Variants in NRG3 observed in about 807,000 individuals in gnomAD.
NRG3 encodes pro-neuregulin-3, membrane-bound isoform.
In NRG3, 31 loss-of-function variants were observed where a neutral mutation model predicts 66.9. The ratio of observed to expected loss-of-function variants is 0.46; its 90% CI spans 0.35 to 0.63. The LOEUF (loss-of-function observed/expected upper bound fraction) is 0.63, where lower values mean the gene tolerates loss of function less well. Ranked by LOEUF, NRG3 falls within the 20% of genes least tolerant of loss-of-function variation. The probability of loss-of-function intolerance (pLI) is 0.00; values close to 1 mark genes in which losing one functional copy is unlikely to be tolerated. For missense variants in NRG3, 910 were observed against 878.9 expected, an observed-to-expected ratio of 1.04 and a Z score of -0.45; for synonymous variants, 393 against 359.4, an observed-to-expected ratio of 1.09 and a Z score of -1.06.
intron 2 of NRG3, among the ~76,000 whole-genome samples, chr10:82,497,971 T>C (rs1385888977): frequency 6.6e-6 from 1 of 152,212 alleles, no homozygotes; most frequent in Non-Finnish European, 1.5e-5. Context: ...TTGATTTGCA[T>C]ATCTCTGCTG....
At chr10:82,803,469 G>A (rs1198327190) in intron 3 of NRG3, among the ~76,000 whole-genome samples, 2 of 152,068 alleles carry the variant, frequency 1.3e-5, no homozygotes, top group African/African-American at 4.8e-5. Flanking sequence ...TTGCTGAAGG[G>A]CACATTTAAA....
intron 2 of NRG3, among the ~76,000 whole-genome samples, chr10:82,402,260 T>C (rs963160923): frequency 6.6e-6 from 1 of 152,110 alleles, no homozygotes; most frequent in Non-Finnish European, 1.5e-5. Flanking sequence ...CTGGTAGTTA[T>C]GATTCCCCAA....
chr10:82,598,258 T>G (rs2133372974), intron 2 of NRG3, among the ~76,000 whole-genome samples: 1 of 152,322 alleles, frequency 6.6e-6, no homozygotes, highest in Non-Finnish European at 1.5e-5. Flanking sequence ...AATCTATACA[T>G]TTCTCCTCAG....
At chr10:82,455,822 G>T (rs912328607) in intron 2 of NRG3, among the ~76,000 whole-genome samples, 2 of 151,906 alleles carry the variant, frequency 1.3e-5, no homozygotes, top group South Asian at 2.1e-4. Flanking sequence ...GTTTCACCTC[G>T]TTAGCCAGGA....
chr10:82,894,001 G>A (rs1228459261), intron 4 of NRG3, among the ~76,000 whole-genome samples: 1 of 152,174 alleles, frequency 6.6e-6, no homozygotes, highest in East Asian at 1.9e-4. Flanking sequence ...CAAACATCAA[G>A]CTCAGTTGAT....
chr10:82,340,663 T>C (rs1381590040), intron 1 of NRG3: 3 of 152,118 alleles, frequency 2.0e-5, no homozygotes, highest in Non-Finnish European at 2.9e-5. Flanking sequence ...GAGAAAGTAA[T>C]AGAAATTCCC....
chr10:82,746,211 T>G (rs1458236368), intron 3 of NRG3, among the ~76,000 whole-genome samples: 1 of 152,106 alleles, frequency 6.6e-6, no homozygotes, highest in Non-Finnish European at 1.5e-5. Context: ...TTTTAACCAT[T>G]ATGTTGAAAG....
At chr10:82,009,742 A>G (rs1440726739) in intron 1 of NRG3, among the ~76,000 whole-genome samples, 1 of 152,206 alleles carries the variant, frequency 6.6e-6, no homozygotes, top group Non-Finnish European at 1.5e-5. Flanking sequence ...GACACTGGCC[A>G]AAAGCAGCTG....
intron 2 of NRG3, among the ~76,000 whole-genome samples, chr10:82,411,120 A>G (rs1590036566): frequency 6.6e-6 from 1 of 152,122 alleles, no homozygotes; most frequent in East Asian, 1.9e-4. Flanking sequence ...TTCAGCATGT[A>G]AGCCAGGCTG....
intron 1 of NRG3, among the ~76,000 whole-genome samples, chr10:81,932,026 C>T (rs1210899711): frequency 6.6e-6 from 1 of 152,084 alleles, no homozygotes; most frequent in Non-Finnish European, 1.5e-5. Flanking sequence ...ACTTAATTGG[C>T]TCATAGTTCT....
chr10:82,328,622 A>C (rs923948985), intron 1 of NRG3, among the ~76,000 whole-genome samples: 2 of 152,116 alleles, frequency 1.3e-5, no homozygotes, highest in African/African-American at 4.8e-5. Context: ...ATTTCTGTTA[A>C]CCTCACCATA....
At chr10:82,167,781 T>C (rs1245640840) in intron 1 of NRG3, among the ~76,000 whole-genome samples, 2 of 152,102 alleles carry the variant, frequency 1.3e-5, no homozygotes, top group Admixed American at 6.6e-5. Context: ...TTTTTGTTTT[T>C]CTCATTTTAA....
intron 3 of NRG3, among the ~76,000 whole-genome samples, chr10:82,850,859 A>C (rs2063528337): frequency 6.6e-6 from 1 of 152,234 alleles, no homozygotes; most frequent in Non-Finnish European, 1.5e-5. Flanking sequence ...AGCAGGAACA[A>C]ATCTCAGTCT....
chr10:82,388,414 G>T (rs2086147474), intron 2 of NRG3, among the ~76,000 whole-genome samples: 1 of 152,130 alleles, frequency 6.6e-6, no homozygotes, highest in African/African-American at 2.4e-5. Flanking sequence ...AGAAGTATTG[G>T]TGACTAGTGG....
chr10:82,727,291 C>T (rs1005426898), intron 2 of NRG3, among the ~76,000 whole-genome samples: 7 of 151,776 alleles, frequency 4.6e-5, no homozygotes, highest in Non-Finnish European at 8.8e-5. Context: ...GAGATCTTCA[C>T]GGCAGCCCCT....
chr10:82,679,849 T>G (rs1292357320), intron 2 of NRG3, among the ~76,000 whole-genome samples: 1 of 152,222 alleles, frequency 6.6e-6, no homozygotes, highest in East Asian at 1.9e-4. Flanking sequence ...AGAGTCTATG[T>G]TCTTACCTAC....
At chr10:82,827,425 G>GTT in intron 3 of NRG3, among the ~76,000 whole-genome samples, 1 of 152,194 alleles carries the variant, frequency 6.6e-6, no homozygotes, top group East Asian at 1.9e-4. Context: ...AGGCTGATGA[G>GTT]CAGGTAGTAC....
At chr10:82,436,245 G>A (rs1267536089) in intron 2 of NRG3, among the ~76,000 whole-genome samples, 2 of 152,100 alleles carry the variant, frequency 1.3e-5, no homozygotes, top group African/African-American at 4.8e-5. Flanking sequence ...TACATATTTA[G>A]AACAGTTAGC....
chr10:82,781,735 C>CT (rs762635843), intron 3 of NRG3, among the ~76,000 whole-genome samples: 1 of 152,048 alleles, frequency 6.6e-6, no homozygotes, highest in Non-Finnish European at 1.5e-5. Context: ...TATTTGAACT[C>CT]TAAGTATGTG....
Sources: gnomAD v4.1 joint callset for allele counts (sites outside exome capture counted in the v4.1 genomes callset) on GRCh38, gnomAD v4.1.1 for gene constraint, MANE v1.5 for transcripts, NCBI Gene and HGNC (gene_info 2026-07-23, HGNC 2026-07-21) for gene names.